PRKG1: variants seen among roughly 807,000 people sequenced by gnomAD.
The protein encoded by PRKG1 is cGMP-dependent protein kinase 1.
In PRKG1, 35 loss-of-function variants were observed where a neutral mutation model predicts 88.1. The ratio of observed to expected loss-of-function variants is 0.40; its 90% CI spans 0.30 to 0.53. The LOEUF is 0.53. PRKG1 is among the 20% of genes least tolerant of loss of function. The pLI is 0.59. For synonymous variants in PRKG1, 303 were observed against 292.5 expected, an observed-to-expected ratio of 1.04 and a Z score of -0.37; for missense variants, 540 against 839.8, an observed-to-expected ratio of 0.64 and a Z score of 4.41.
At chr10:51,797,469 G>A (rs890376687) in intron 3 of PRKG1, among the ~76,000 whole-genome samples, 20 of 142,830 alleles carry the variant, frequency 1.4e-4, no homozygotes, top group African/African-American at 4.8e-4. Flanking sequence ...ATAATATACA[G>A]ATTATAATTT....
intron 3 of PRKG1, among the ~76,000 whole-genome samples, chr10:51,585,921 A>C (rs77490570): frequency 0.012 from 1,885 of 152,228 alleles, 33 homozygotes; most frequent in African/African-American, 0.043. Flanking sequence ...TAAACATGAT[A>C]AACGGGTACA....
intron 2 of PRKG1, among the ~76,000 whole-genome samples, chr10:51,337,638 CAT>C (rs1406014375): frequency 1.3e-5 from 2 of 152,080 alleles, no homozygotes; most frequent in Non-Finnish European, 2.9e-5. Context: ...GGCCCACAAA[CAT>C]ATGAAAAAAA....
chr10:51,347,919 C>G (rs1262467402), intron 2 of PRKG1, among the ~76,000 whole-genome samples: 1 of 151,722 alleles, frequency 6.6e-6, no homozygotes, highest in Non-Finnish European at 1.5e-5. Context: ...AAAAATTAGC[C>G]GGGCATGGTG....
chr10:51,117,269 C>T (rs914196572), intron 1 of PRKG1, among the ~76,000 whole-genome samples: 9 of 152,144 alleles, frequency 5.9e-5, no homozygotes, highest in Non-Finnish European at 1.2e-4. Context: ...CATAATGCTT[C>T]TTTGTGCACA....
At chr10:51,360,660 T>TACTAC (rs1842459642) in intron 2 of PRKG1, among the ~76,000 whole-genome samples, 2 of 151,936 alleles carry the variant, frequency 1.3e-5, no homozygotes, top group Non-Finnish European at 1.5e-5. Flanking sequence ...ATTATTACTG[T>TACTAC]ACTACCCACA....
chr10:51,792,707 T>C (rs1448860877), intron 3 of PRKG1, among the ~76,000 whole-genome samples: 1 of 152,146 alleles, frequency 6.6e-6, no homozygotes, highest in African/African-American at 2.4e-5. Flanking sequence ...TATTGGCACA[T>C]GTGATCCCTC....
chr10:51,808,498 G>A (rs1315677529), intron 4 of PRKG1, among the ~76,000 whole-genome samples: 1 of 152,120 alleles, frequency 6.6e-6, no homozygotes, highest in African/African-American at 2.4e-5. Context: ...AGCTACTCAG[G>A]AGGCTGACGG....
chr10:52,234,925 G>T (rs1227726125), intron 9 of PRKG1, among the ~76,000 whole-genome samples: 3 of 120,432 alleles, frequency 2.5e-5, no homozygotes, highest in East Asian at 4.6e-4. Flanking sequence ...GAAAGGTCGG[G>T]TTACCCTCAA....
chr10:51,039,867 C>T (rs906928849), intron 1 of PRKG1, among the ~76,000 whole-genome samples: 19 of 152,054 alleles, frequency 1.2e-4, no homozygotes, highest in Non-Finnish European at 2.2e-4. Flanking sequence ...ATGCATGTGT[C>T]GGAAGCGAAT....
At chr10:52,017,468 G>C (rs531623376) in intron 5 of PRKG1, among the ~76,000 whole-genome samples, 6 of 152,198 alleles carry the variant, frequency 3.9e-5, no homozygotes, top group African/African-American at 1.4e-4. Flanking sequence ...ATTCTGGGGC[G>C]ATTCCAAGGT....
rs150687288 is a variant in PRKG1, at chr10:51,802,869, G to T, written c.593-1716G>T. 1.3e-3 allele frequency among the ~76,000 whole-genome samples: 193 copies of T among 152,208 alleles called. 1 individual carries two copies. The highest frequency in any genetic ancestry group is 3.9e-3 in the African/African-American group (164 of 41,556). On this transcript the variant is annotated intron_variant, in intron 3 of 17. Transcript: ENST00000373980. ...CAGATAGCTTGGCCACAATAAATAC[G>T]TGTGCATGTGCATGCACTACCCCCA...
chr10:51,730,984 T>C lies in PRKG1; in HGVS notation c.593-73601T>C, dbSNP rs1485967371. On this transcript the variant is annotated intron_variant, in intron 3 of 17. Coordinates refer to ENST00000373980, the MANE Select transcript of PRKG1 (RefSeq NM_006258.4). ...TAGCCTGGCCAACATGATGAAACCC[T>C]GTCTCTACTAAAAATATAAAAATTA... 3.3e-5 allele frequency among the ~76,000 whole-genome samples: 5 copies of C among 152,028 alleles called. No individual in the cohort carries two copies. The South Asian group carries it at 8.3e-4, about 25-fold the overall frequency.
At chr10:51,816,594 T>G (rs1564658747) in intron 4 of PRKG1, among the ~76,000 whole-genome samples, 1 of 151,248 alleles carries the variant, frequency 6.6e-6, no homozygotes, top group Admixed American at 6.6e-5. Context: ...CATAGTTAAA[T>G]CTGAGGTTTT....
At chr10:51,122,274 A>T (rs1845277614) in intron 1 of PRKG1, among the ~76,000 whole-genome samples, 2 of 152,212 alleles carry the variant, frequency 1.3e-5, no homozygotes, top group Non-Finnish European at 2.9e-5. Context: ...CATATGGTGG[A>T]ACAAATCACA....
chr10:51,388,078 G>A (rs900544778), intron 2 of PRKG1, among the ~76,000 whole-genome samples: 2 of 152,164 alleles, frequency 1.3e-5, no homozygotes, highest in Admixed American at 1.3e-4. Context: ...AAGAAATGAT[G>A]TGGTATATTT....
At chr10:52,193,072 A>C (rs1839406829) in intron 9 of PRKG1, among the ~76,000 whole-genome samples, 1 of 152,270 alleles carries the variant, frequency 6.6e-6, no homozygotes, top group East Asian at 1.9e-4. Flanking sequence ...CTCCTAGAGC[A>C]ACAAAGGCTC....
At chr10:51,547,516 A>G (rs928144534) in intron 3 of PRKG1, among the ~76,000 whole-genome samples, 2 of 152,114 alleles carry the variant, frequency 1.3e-5, no homozygotes, top group African/African-American at 4.8e-5. Flanking sequence ...CAATTAGAAG[A>G]ATTACATTTG....
chr10:51,093,034 G>A (rs1844436049), intron 1 of PRKG1, among the ~76,000 whole-genome samples: 1 of 152,110 alleles, frequency 6.6e-6, no homozygotes, highest in Admixed American at 6.6e-5. Flanking sequence ...AACACACTAC[G>A]AATCGTTGTG....
At chr10:50,999,425 G>T (rs995037617) in intron 1 of PRKG1, among the ~76,000 whole-genome samples, 2 of 152,096 alleles carry the variant, frequency 1.3e-5, no homozygotes, top group African/African-American at 4.8e-5. Context: ...TTTGTAATAG[G>T]TATATTGCAA....
Sources: gnomAD v4.1 joint callset for allele counts (sites outside exome capture counted in the v4.1 genomes callset) on GRCh38, gnomAD v4.1.1 for gene constraint, MANE v1.5 for transcripts, NCBI Gene and HGNC (gene_info 2026-07-23, HGNC 2026-07-21) for gene names.